The following CHST11 variants were observed in gnomAD, a reference collection of about 807,000 sequenced individuals.
CHST11 encodes the protein carbohydrate sulfotransferase 11.
A neutral mutation model predicts 30.4 loss-of-function variants in CHST11; 9 were observed. The ratio of observed to expected loss-of-function variants is 0.30; its 90% CI spans 0.18 to 0.52. CHST11 has a LOEUF of 0.52. CHST11 is among the 20% of genes least tolerant of loss of function. CHST11 has a pLI of 0.97. For missense variants in CHST11, 348 were observed against 460.6 expected, an observed-to-expected ratio of 0.76 and a Z score of 2.24; for synonymous variants, 152 against 187.8, an observed-to-expected ratio of 0.81 and a Z score of 1.56.
At chr12:104,664,943 C>T (rs1314113492) in intron 2 of CHST11, among the ~76,000 whole-genome samples, 1 of 152,146 alleles carries the variant, frequency 6.6e-6, no homozygotes, top group Non-Finnish European at 1.5e-5. Flanking sequence ...CGGAGGCAAA[C>T]CTCGAGGGTT....
At chr12:104,484,271 A>T (rs1157842548) in intron 1 of CHST11, among the ~76,000 whole-genome samples, 4 of 152,162 alleles carry the variant, frequency 2.6e-5, no homozygotes. Flanking sequence ...TTGGCTTGAG[A>T]TCACAAATGG....
At chr12:104,497,379 C>T (rs1318513352) in intron 1 of CHST11, among the ~76,000 whole-genome samples, 1 of 152,134 alleles carries the variant, frequency 6.6e-6, no homozygotes, top group African/African-American at 2.4e-5. Flanking sequence ...AGATGGTGGC[C>T]GTCTGCAGGC....
intron 1 of CHST11, chr12:104,514,329 C>A (rs1355101773): frequency 1.0e-6 from 1 of 972,620 alleles, no homozygotes; most frequent in Admixed American, 1.7e-5. Context: ...TGCCAGAAAC[C>A]TGTCTCTCAA....
chr12:104,643,644 A>ACG (rs545963867), intron 2 of CHST11, among the ~76,000 whole-genome samples: 1 of 135,584 alleles, frequency 7.4e-6, no homozygotes, highest in Non-Finnish European at 1.7e-5. Context: ...CTTCACACAC[A>ACG]CACACACACA....
Position 104,534,451 on chromosome 12 carries a change from G to A in CHST11, c.119-67455G>A, listed in dbSNP as rs115280535. Among the ~76,000 whole-genome samples, 1,095 of 152,274 alleles carry A rather than the reference G, an allele frequency of 7.2e-3. 10 individuals are homozygous for A. Among genetic ancestry groups the A allele is most frequent in the African/African-American group, 0.024 (992 of 41,568 alleles). The stretch of plus-strand genomic sequence containing the variant: ...TCCCAGCAATATTTTTCCAAGTTGC[G>A]GTTAGTCACTTGCTGCTCACGGTTC... On this transcript the variant is annotated intron_variant, in intron 1 of 2. Coordinates refer to ENST00000303694, the MANE Select transcript of CHST11 (RefSeq NM_018413.6).
At chr12:104,585,684 T>A (rs912198735) in intron 1 of CHST11, among the ~76,000 whole-genome samples, 2 of 152,342 alleles carry the variant, frequency 1.3e-5, no homozygotes, top group East Asian at 3.9e-4. Flanking sequence ...AGGGCTGCCA[T>A]GACAAATTCC....
chr12:104,571,865 CTTA>C (rs2038629526), intron 1 of CHST11, among the ~76,000 whole-genome samples: 3 of 152,100 alleles, frequency 2.0e-5, no homozygotes, highest in Admixed American at 2.0e-4. Context: ...ATAGATAGCT[CTTA>C]TTATTTTGAG....
At chr12:104,652,814 C>T (rs952977801) in intron 2 of CHST11, among the ~76,000 whole-genome samples, 7 of 152,172 alleles carry the variant, frequency 4.6e-5, no homozygotes, top group African/African-American at 1.7e-4. Context: ...CCCAAGGGGC[C>T]AGTGGCTTTG....
chr12:104,511,157 A>G (rs534999732), intron 1 of CHST11, among the ~76,000 whole-genome samples: 8 of 152,364 alleles, frequency 5.3e-5, no homozygotes, highest in African/African-American at 1.9e-4. Flanking sequence ...CTCCACTTTC[A>G]GAGAGTTTAT....
At chr12:104,749,233 C>T (rs1428558713) in intron 2 of CHST11, among the ~76,000 whole-genome samples, 1 of 152,124 alleles carries the variant, frequency 6.6e-6, no homozygotes, top group Non-Finnish European at 1.5e-5. Context: ...CTGAATTTTC[C>T]GAGTCCTTTG....
intron 1 of CHST11, among the ~76,000 whole-genome samples, chr12:104,543,505 T>C (rs761775757): frequency 6.6e-6 from 1 of 152,256 alleles, no homozygotes; most frequent in Non-Finnish European, 1.5e-5. Flanking sequence ...TAGCTTTTTA[T>C]GCTTTTAAAC....
At chr12:104,649,897 T>C (rs1454585139) in intron 2 of CHST11, among the ~76,000 whole-genome samples, 1 of 152,178 alleles carries the variant, frequency 6.6e-6, no homozygotes, top group African/African-American at 2.4e-5. Flanking sequence ...CTGCTGCTGA[T>C]AGACGAGGCA....
intron 2 of CHST11, among the ~76,000 whole-genome samples, chr12:104,686,158 G>A (rs972237690): frequency 1.1e-4 from 16 of 147,392 alleles, no homozygotes; most frequent in Admixed American, 7.0e-5. Context: ...GCTGGAGCCC[G>A]AGTTTGGAGG....
intron 1 of CHST11, among the ~76,000 whole-genome samples, chr12:104,484,792 A>C (rs2037660649): frequency 6.6e-6 from 1 of 152,198 alleles, no homozygotes; most frequent in Non-Finnish European, 1.5e-5. Flanking sequence ...AAACCTAATG[A>C]ATGTTGGCAG....
At chr12:104,551,311 C>T (rs757295691) in intron 1 of CHST11, among the ~76,000 whole-genome samples, 4 of 152,224 alleles carry the variant, frequency 2.6e-5, no homozygotes, top group Admixed American at 1.3e-4. Context: ...CCTCTTAGAT[C>T]GGCACACCAG....
intron 1 of CHST11, among the ~76,000 whole-genome samples, chr12:104,513,820 G>C (rs560733863): frequency 3.3e-5 from 5 of 152,208 alleles, no homozygotes; most frequent in Non-Finnish European, 5.9e-5. Context: ...AAGGTTTCGA[G>C]ACAGTCCCTT....
chr12:104,647,588 T>C (rs1382087905), intron 2 of CHST11, among the ~76,000 whole-genome samples: 1 of 152,222 alleles, frequency 6.6e-6, no homozygotes, highest in Non-Finnish European at 1.5e-5. Flanking sequence ...TTTAAAAGAT[T>C]GTGAGTACTT....
intron 2 of CHST11, among the ~76,000 whole-genome samples, chr12:104,634,019 A>T (rs1252397987): frequency 6.6e-6 from 1 of 152,156 alleles, no homozygotes; most frequent in Non-Finnish European, 1.5e-5. Context: ...CACTTCATTC[A>T]ACAAATATTT....
chr12:104,605,756 T>G (rs1426465911), intron 2 of CHST11, among the ~76,000 whole-genome samples: 1 of 152,162 alleles, frequency 6.6e-6, no homozygotes, highest in Admixed American at 6.5e-5. Flanking sequence ...CAACTGCATA[T>G]TTGTGGGCCG....
Sources: gnomAD v4.1 joint callset for allele counts (sites outside exome capture counted in the v4.1 genomes callset) on GRCh38, gnomAD v4.1.1 for gene constraint, MANE v1.5 for transcripts, NCBI Gene and HGNC (gene_info 2026-07-23, HGNC 2026-07-21) for gene names.